CLOCK: variants seen among roughly 807,000 people sequenced by gnomAD.
CLOCK encodes the protein clock circadian regulator, also known as circadian locomoter output cycles protein kaput.
CLOCK carries 43 observed loss-of-function variants against 118.4 expected under a neutral mutation model. The ratio of observed to expected loss-of-function variants is 0.36; its 90% CI spans 0.28 to 0.47. The LOEUF is 0.47. CLOCK is among the 20% of genes least tolerant of loss of function. The pLI is 1.00. For missense variants in CLOCK, 846 were observed against 999.9 expected (o/e 0.85, Z 2.08); for synonymous variants, 326 against 339.2 (o/e 0.96, Z 0.43).
chr4:55,475,794 T>G (rs1353075406), intron 7 of CLOCK, among the ~76,000 whole-genome samples, 169 bp downstream of exon 7: 3 of 152,200 alleles, frequency 2.0e-5, no homozygotes, highest in Non-Finnish European at 4.4e-5. Context: ...CCTAATAGAC[T>G]ACAGGGAAAC....
In CLOCK at chr4:55,459,255, T is replaced by C. The variant is rs769235909; in HGVS notation, c.566A>G (p.Asn189Ser). The C allele has an allele frequency of 6.5e-5, 104 of 1,596,038 alleles. 2 individuals are homozygous for C. In the East Asian group the frequency reaches 2.3e-3, roughly 35 times the overall value. Reference protein sequence around the residue: ...SLTPEYLKSKNQLEFCCHMLR... With the variant: ...SLTPEYLKSKSQLEFCCHMLR... Reference sequence around the variant, plus strand: ...CATGTGACAACAGAATTCTAACTGATTTTTTGCTGAAATAAAAGAGATTTT... The same window carrying C: ...CATGTGACAACAGAATTCTAACTGACTTTTTGCTGAAATAAAAGAGATTTT... The change falls in exon 10 of 23, where the codon AAT becomes AGT. Residue 189 changes from asparagine (N) to serine (S), a missense_variant. By Grantham distance (46) the Asn-to-Ser change is conservative. Coordinates refer to ENST00000513440, the MANE Select transcript of CLOCK (RefSeq NM_004898.4).
intron 7 of CLOCK, among the ~76,000 whole-genome samples, 166 bp downstream of exon 7, chr4:55,475,797 A>C (rs1472244961): frequency 6.6e-6 from 1 of 152,234 alleles, no homozygotes; most frequent in East Asian, 1.9e-4. Flanking sequence ...AATAGACTAC[A>C]GGGAAACAAA....
chr4:55,464,299 A>G (rs1185517239), intron 8 of CLOCK, among the ~76,000 whole-genome samples: 1 of 152,170 alleles, frequency 6.6e-6, no homozygotes, highest in Non-Finnish European at 1.5e-5. Context: ...CCTTGTGTTT[A>G]GTTATCCCCC....
At chr4:55,473,286 CTAT>C (rs960797804) in intron 7 of CLOCK, among the ~76,000 whole-genome samples, 2 of 151,472 alleles carry the variant, frequency 1.3e-5, no homozygotes, top group Non-Finnish European at 2.9e-5. Context: ...GAAACAGATA[CTAT>C]TGTCTACTTC....
At chr4:55,534,816 C>G (rs754453406) in intron 1 of CLOCK, among the ~76,000 whole-genome samples, 1 of 152,086 alleles carries the variant, frequency 6.6e-6, no homozygotes, top group Non-Finnish European at 1.5e-5. Flanking sequence ...GAGAGGTATA[C>G]TGTGTTCAAG....
chr4:55,461,858 T>C (rs1226545739), intron 9 of CLOCK, among the ~76,000 whole-genome samples: 1 of 152,224 alleles, frequency 6.6e-6, no homozygotes, highest in Non-Finnish European at 1.5e-5. Flanking sequence ...TCACTGGCTC[T>C]CTACTCTGTA....
intron 1 of CLOCK, among the ~76,000 whole-genome samples, chr4:55,517,962 C>T (rs1309247262): frequency 6.6e-6 from 1 of 151,956 alleles, no homozygotes; most frequent in Non-Finnish European, 1.5e-5. Flanking sequence ...AAAAATGAAA[C>T]ATGGTGGGGG....
intron 19 of CLOCK, 143 bp downstream of exon 19, chr4:55,444,490 G>A (rs1007921446): frequency 3.2e-6 from 3 of 934,882 alleles, no homozygotes; most frequent in Non-Finnish European, 5.1e-6. Context: ...TAATCATACT[G>A]AGTAGGTAAC....
At chr4:55,476,806 A>G (rs1293409938) in intron 6 of CLOCK, among the ~76,000 whole-genome samples, 1 of 152,120 alleles carries the variant, frequency 6.6e-6, no homozygotes, top group East Asian at 1.9e-4. Context: ...ATGTTTTTCT[A>G]TTTTTTAATG....
At chr4:55,515,709 T>C (rs1041304247) in intron 1 of CLOCK, among the ~76,000 whole-genome samples, 31 of 152,236 alleles carry the variant, frequency 2.0e-4, no homozygotes, top group African/African-American at 7.2e-4. Context: ...TTGTTTCCTT[T>C]CTTCTGCTTA....
At chr4:55,482,244 C>T (rs1158913049) in intron 4 of CLOCK, among the ~76,000 whole-genome samples, 1 of 152,182 alleles carries the variant, frequency 6.6e-6, no homozygotes, top group African/African-American at 2.4e-5. Context: ...TCACTGCCCC[C>T]TTCCACCCTC....
chr4:55,487,699 C>A (rs1727388632), intron 3 of CLOCK, among the ~76,000 whole-genome samples: 1 of 152,128 alleles, frequency 6.6e-6, no homozygotes, highest in South Asian at 2.1e-4. Flanking sequence ...AGATTTGCAA[C>A]AAATCATCCT....
At chr4:55,466,439 A>G (rs4864998) in intron 8 of CLOCK, among the ~76,000 whole-genome samples, 109,013 of 151,988 alleles carry the variant, frequency 0.72, 39,670 homozygotes, top group African/African-American at 0.83. Context: ...CTAATACATC[A>G]TCTTAATAGA....
intron 1 of CLOCK, among the ~76,000 whole-genome samples, chr4:55,542,453 G>A (rs920337397): frequency 6.7e-6 from 1 of 148,766 alleles, no homozygotes; most frequent in East Asian, 1.9e-4. Flanking sequence ...TGAAGGCAGG[G>A]TCAATTATAC....
At chr4:55,494,614 G>C (rs1320962572) in intron 2 of CLOCK, among the ~76,000 whole-genome samples, 1 of 152,086 alleles carries the variant, frequency 6.6e-6, no homozygotes, top group Non-Finnish European at 1.5e-5. Context: ...CATACATTGG[G>C]AACAGTGCTC....
chr4:55,517,039 C>T (rs938859945), intron 1 of CLOCK, among the ~76,000 whole-genome samples: 15 of 152,246 alleles, frequency 9.9e-5, no homozygotes, highest in Admixed American at 7.2e-4. Flanking sequence ...TACATACATA[C>T]GTGTATATAT....
Position 55,458,921 on chromosome 4 carries a change from CAGT to C in CLOCK, c.760_762del (p.Thr254del). ...ATGAACTGAGGTGTAGCTAACCTGACAGTAGCTACAAAACAAACTCTATCTTCA... is the reference window on the plus strand; with the variant it reads ...ATGAACTGAGGTGTAGCTAACCTGACAGCTACAAAACAAACTCTATCTTCA... On this transcript the variant is annotated inframe_deletion, in exon 11 of 23. Coordinates refer to ENST00000513440, the MANE Select transcript of CLOCK (RefSeq NM_004898.4). 6.2e-7 allele frequency: 1 copy of C among 1,612,050 alleles called. No homozygotes were observed. Among genetic ancestry groups the C allele is most frequent in the Non-Finnish European group, 8.5e-7 (1 of 1,178,296 alleles).
At chr4:55,504,398 T>TA (rs1728664790) in intron 2 of CLOCK, among the ~76,000 whole-genome samples, 1 of 151,386 alleles carries the variant, frequency 6.6e-6, no homozygotes, top group South Asian at 2.1e-4. Context: ...AAGGTTGTCA[T>TA]AAGAATGAAA....
At chr4:55,467,400 C>T (rs1217691792) in intron 8 of CLOCK, among the ~76,000 whole-genome samples, 1 of 152,098 alleles carries the variant, frequency 6.6e-6, no homozygotes, top group Non-Finnish European at 1.5e-5. Flanking sequence ...CCATAACTAT[C>T]CAAATAAACA....
Sources: allele counts gnomAD v4.1 joint callset (sites outside exome capture counted in the v4.1 genomes callset), GRCh38; gene constraint gnomAD v4.1.1; transcripts MANE v1.5; gene names NCBI Gene and HGNC (gene_info 2026-07-23, HGNC 2026-07-21).